RGMA: variants seen among roughly 807,000 people sequenced by gnomAD.
RGMA encodes the protein repulsive guidance molecule A.
A neutral mutation model predicts 23.2 loss-of-function variants in RGMA; 10 were observed. That is an observed-to-expected ratio of 0.43 (90% confidence interval 0.27 to 0.73). The LOEUF is 0.73. Among genes scored for constraint, RGMA ranks in the 30% least tolerant of loss-of-function variants. RGMA has a pLI of 0.20. For missense variants in RGMA, 547 were observed against 630.5 expected, an observed-to-expected ratio of 0.87 and a Z score of 1.42; for synonymous variants, 308 against 279.3, an observed-to-expected ratio of 1.10 and a Z score of -1.03.
intron 1 of RGMA, among the ~76,000 whole-genome samples, chr15:93,081,965 T>G (rs748213505): frequency 6.6e-6 from 1 of 152,242 alleles, no homozygotes; most frequent in Non-Finnish European, 1.5e-5. Context: ...AGAGGCAATA[T>G]AGCATGCTGG....
chr15:93,077,411 G>A (rs1041839410), intron 1 of RGMA, among the ~76,000 whole-genome samples: 6 of 152,232 alleles, frequency 3.9e-5, no homozygotes, highest in Non-Finnish European at 1.5e-5. Context: ...GGGTTTGTAA[G>A]TTCTATCAAT....
chr15:93,040,594 G>C lies in RGMA; in HGVS notation c.*4404C>G, dbSNP rs2054711821. ...TTCTCACCCTCCTGCAATCCAAAAT[G>C]TGTGTCTCTCGGAACCTCTGGCCCA... On this transcript the variant is annotated 3_prime_UTR_variant, in exon 4 of 4. Transcript: ENST00000329082. 2 of 152,088 alleles carry C rather than the reference G, an allele frequency of 1.3e-5. No homozygotes were observed. Among genetic ancestry groups the C allele is most frequent in the African/African-American group, 4.8e-5 (2 of 41,398 alleles). 9.4% of individuals were successfully genotyped at this position (152,088 alleles called of 1,614,324 possible).
At chr15:93,060,542 G>A (rs4778083) in intron 2 of RGMA, among the ~76,000 whole-genome samples, 82,896 of 152,058 alleles carry the variant, frequency 0.55, 23,020 homozygotes, top group East Asian at 0.82. Context: ...GACCCGATGG[G>A]GGCGGGGTGG....
At chr15:93,087,464 CAAAAAA>C (rs60714695) in intron 1 of RGMA, among the ~76,000 whole-genome samples, 2 of 74,486 alleles carry the variant, frequency 2.7e-5, no homozygotes, top group African/African-American at 5.4e-5. Context: ...TTTGTATGTG[CAAAAAA>C]AAAAAAAAAA....
chr15:93,065,207 G>A (rs1474835628), intron 2 of RGMA, among the ~76,000 whole-genome samples: 2 of 152,004 alleles, frequency 1.3e-5, no homozygotes, highest in Admixed American at 6.6e-5. Flanking sequence ...TGGAGGTTCA[G>A]GTGGCACATG....
chr15:93,063,890 G>T (rs1252608957), intron 2 of RGMA, among the ~76,000 whole-genome samples: 1 of 152,202 alleles, frequency 6.6e-6, no homozygotes, highest in African/African-American at 2.4e-5. Context: ...ACAGCCACGT[G>T]AGCATGGGCA....
intron 1 of RGMA, among the ~76,000 whole-genome samples, chr15:93,079,527 A>G (rs1450731707): frequency 2.0e-5 from 3 of 152,230 alleles, no homozygotes; most frequent in African/African-American, 7.2e-5. Context: ...GCTATTTAAA[A>G]TGACCCTTCT....
rs2054789823 is a variant in RGMA at position 93,044,910 on chromosome 15, CAGG to C, written c.*85_*87del. 1.7e-5 allele frequency: 20 copies of C among 1,149,460 alleles called. No homozygotes were observed. The highest frequency in any genetic ancestry group is 2.4e-5 in the Non-Finnish European group (20 of 817,378). The allele number at this position is 1,149,460 out of a possible 1,614,324, so 71.2% of individuals were successfully genotyped here. On this transcript the variant is annotated 3_prime_UTR_variant, in exon 4 of 4. Transcript: ENST00000329082. ...TTCTGCGGGGCCATGGTGGACACGC[CAGG>C]AGATCTGCACCCCGTGGGCGGTCCC...
chr15:93,046,875 G>A lies in RGMA; in HGVS notation c.646-1170C>T, dbSNP rs78820549. On this transcript the variant is annotated intron_variant, in intron 3 of 3. Coordinates refer to ENST00000329082, the MANE Select transcript of RGMA (RefSeq NM_020211.3). Reference sequence around the variant, plus strand: ...GGCCAGGGGTGAGGGGCTGGACTGAGCTGCTGGAGCAGCAGCTGGCTGGGT... The same window carrying A: ...GGCCAGGGGTGAGGGGCTGGACTGAACTGCTGGAGCAGCAGCTGGCTGGGT... Among the ~76,000 whole-genome samples the A allele has an allele frequency of 6.5e-3, 978 of 150,190 alleles. 15 individuals carry two copies. The highest frequency in any genetic ancestry group is 0.023 in the African/African-American group (925 of 41,050).
chr15:93,045,727 G>A lies in RGMA; in HGVS notation c.646-22C>T, dbSNP rs749132532. The A allele has an allele frequency of 4.3e-5, 67 of 1,558,430 alleles. No individual in the cohort carries two copies. The highest frequency in any genetic ancestry group is 6.8e-5 in the African/African-American group (5 of 74,018). On this transcript the variant is annotated intron_variant, in intron 3 of 3. Transcript: ENST00000329082. The surrounding 1 kb of genome is among the most constrained non-coding windows in gnomAD (Gnocchi z 6.9). ...TGAGCTGCCGGGGAAAGGGGCAGAG[G>A]AGAGTGGGTGAGGCACAGTGGGAGG...
In RGMA at chr15:93,072,957, A is replaced by G. The variant is rs749728876; in HGVS notation, c.89T>C (p.Phe30Ser). 4.3e-6 allele frequency: 7 copies of G among 1,610,564 alleles called. No homozygotes were observed. In the African/African-American group the frequency reaches 6.7e-5, roughly 15 times the overall value. ...GAGAAGGAAGGCGAGGGTCGGCCAG[A>G]ATCCCAGGGCTGAACGTCCTGCCCC... ...GRGAGRSALGFWPTLAFLLCS... is the reference protein window; with the variant it reads ...GRGAGRSALGSWPTLAFLLCS... Residue 30 changes from phenylalanine to serine, a missense_variant, in exon 2 of 4, where the codon TTC becomes TCC. Phe to Ser is a radical substitution (Grantham distance 155). This residue lies in a region of RGMA where 214 missense variants were observed against 234.7 expected (regional missense o/e 0.91). Coordinates refer to ENST00000329082, the MANE Select transcript of RGMA (RefSeq NM_020211.3).
intron 2 of RGMA, chr15:93,066,415 T>G: frequency 4.5e-6 from 3 of 664,358 alleles, no homozygotes; most frequent in Non-Finnish European, 8.4e-6. Flanking sequence ...GGCGGGGGTT[T>G]CCAAGGCCGC....
intron 3 of RGMA, 121 bp downstream of exon 3, chr15:93,051,872 C>T (rs2054925573): frequency 8.3e-6 from 9 of 1,080,052 alleles, no homozygotes; most frequent in Admixed American, 4.7e-5. Flanking sequence ...GCTCCTGTGT[C>T]CCCGCTCCGC....
rs73460346 is a variant in RGMA at position 93,084,806 on chromosome 15, G to A, written c.14+4113C>T. Among the ~76,000 whole-genome samples the A allele has an allele frequency of 7.7e-3, 1,170 of 152,304 alleles. 7 individuals carry two copies. Among genetic ancestry groups the A allele is most frequent in the African/African-American group, 0.027 (1,107 of 41,560 alleles). On this transcript the variant is annotated intron_variant, in intron 1 of 3. Coordinates refer to ENST00000329082, the MANE Select transcript of RGMA (RefSeq NM_020211.3). ...GTTTTTGAATAGACAATCTGGAGAG[G>A]AGAGACACATCATGGTGCAGATCAG... is the stretch of plus-strand genomic sequence containing the variant.
At chr15:93,074,624 T>C (rs931436837) in intron 1 of RGMA, among the ~76,000 whole-genome samples, 2 of 152,188 alleles carry the variant, frequency 1.3e-5, no homozygotes, top group African/African-American at 4.8e-5. Flanking sequence ...TAAATATTTT[T>C]CCCCCAAACC....
intron 1 of RGMA, chr15:93,088,163 AC>A: frequency 1.4e-6 from 1 of 720,190 alleles, no homozygotes; most frequent in East Asian, 1.3e-4. Context: ...AACTGATTCT[AC>A]CTCCGAGCAA....
Position 93,080,198 on chromosome 15 carries a change from TTTTTAA to T in RGMA, c.15-7173_15-7168del, listed in dbSNP as rs1276050463. ...GATTTTATTCCAAAATTTTAATGGG[TTTTTAA>T]TTTTATTTTTTTGAGACAAAGTCTT... On this transcript the variant is annotated intron_variant, in intron 1 of 3. Coordinates refer to ENST00000329082, the MANE Select transcript of RGMA (RefSeq NM_020211.3). 3.3e-5 allele frequency among the ~76,000 whole-genome samples: 5 copies of T among 152,020 alleles called. No individual in the cohort carries two copies. The East Asian group carries it at 9.7e-4, about 29-fold the overall frequency.
chr15:93,071,516 T>C lies in RGMA; in HGVS notation c.130+1400A>G, dbSNP rs151147004. The stretch of plus-strand genomic sequence containing the variant: ...ATGGAACCTAGGTCTGGAGAGCAGG[T>C]TGCGGCTCTCTGCGACCCTTCTGGG... On this transcript the variant is annotated intron_variant, in intron 2 of 3. Coordinates refer to ENST00000329082, the MANE Select transcript of RGMA (RefSeq NM_020211.3). 4.6e-3 allele frequency among the ~76,000 whole-genome samples: 703 copies of C among 152,298 alleles called. 2 individuals are homozygous for C. Among genetic ancestry groups the C allele is most frequent in the African/African-American group, 0.016 (665 of 41,556 alleles).
chr15:93,036,317 G>A lies in RGMA; in HGVS notation c.*8681C>T, dbSNP rs10444882. 0.35 allele frequency: 53,664 copies of A among 152,194 alleles called. 10,580 individuals are homozygous for A. The highest frequency in any genetic ancestry group is 0.46 in the Non-Finnish European group (30,969 of 68,000). The allele number at this position is 152,194 out of a possible 1,614,324, so 9.4% of individuals were successfully genotyped here. The stretch of plus-strand genomic sequence containing the variant: ...TACAAATGTTTGTGCCAGGAAGGAA[G>A]GGAAGAAGGACTCCTCTTGTTTTAT... On this transcript the variant is annotated 3_prime_UTR_variant, in exon 4 of 4. Transcript: ENST00000329082.
Sources: allele counts gnomAD v4.1 joint callset (sites outside exome capture counted in the v4.1 genomes callset), GRCh38; gene constraint gnomAD v4.1.1; regional missense constraint gnomAD v4.1.1; non-coding constraint Gnocchi (gnomAD v3.1); transcripts MANE v1.5; gene names NCBI Gene and HGNC (gene_info 2026-07-23, HGNC 2026-07-21).